Variants in ARMH3 observed in about 807,000 individuals in gnomAD.
ARMH3 encodes armadillo like helical domain containing 3.
Under a neutral mutation model 99.1 loss-of-function variants are expected in ARMH3, and 60 were observed. That is an observed-to-expected ratio of 0.61 (90% confidence interval 0.49 to 0.75). The LOEUF is 0.75. Among genes scored for constraint, ARMH3 ranks in the 30% least tolerant of loss-of-function variants. The pLI is 0.00. For synonymous variants in ARMH3, 285 were observed against 292.8 expected (o/e 0.97, Z 0.27); for missense variants, 679 against 843.1 (o/e 0.81, Z 2.41).
At chr10:102,027,912 T>C (rs1221022549) in intron 5 of ARMH3, among the ~76,000 whole-genome samples, 2 of 151,804 alleles carry the variant, frequency 1.3e-5, no homozygotes, top group Non-Finnish European at 2.9e-5. Context: ...TCAAATAACA[T>C]TCATTCAATA....
intron 24 of ARMH3, among the ~76,000 whole-genome samples, chr10:101,855,994 C>A (rs1228502112): frequency 6.6e-6 from 1 of 152,020 alleles, no homozygotes; most frequent in Non-Finnish European, 1.5e-5. Flanking sequence ...CCAGTGCAGG[C>A]TGGTCTAACC....
rs921545002 is a variant in ARMH3 at position 101,890,227 on chromosome 10, C to CAT, written c.1782-739_1782-738dup. On this transcript the variant is annotated intron_variant, in intron 23 of 25. Coordinates refer to ENST00000370033, the MANE Select transcript of ARMH3 (RefSeq NM_024541.3). ...TAGAGAGAGACAAATCTCTTTTTTT[C>CAT]ATATATATATATATATTTATTTATA... 2.9e-3 allele frequency among the ~76,000 whole-genome samples: 431 copies of CAT among 148,022 alleles called. 1 individual carries two copies. Among genetic ancestry groups the CAT allele is most frequent in the South Asian group, 4.7e-3 (22 of 4,718 alleles).
chr10:102,042,742 T>C (rs962938914), intron 1 of ARMH3, among the ~76,000 whole-genome samples: 1 of 152,226 alleles, frequency 6.6e-6, no homozygotes, highest in Admixed American at 6.5e-5. Context: ...ACTTTTTCCT[T>C]GGGTCTCAGA....
At chr10:101,966,683 T>G (rs533860066) in intron 20 of ARMH3, among the ~76,000 whole-genome samples, 4 of 152,216 alleles carry the variant, frequency 2.6e-5, no homozygotes, top group Admixed American at 2.6e-4. Flanking sequence ...TAATACACAA[T>G]GAGAACTTTC....
chr10:101,855,877 G>A (rs1046195850), intron 24 of ARMH3, among the ~76,000 whole-genome samples: 2 of 151,678 alleles, frequency 1.3e-5, no homozygotes, highest in South Asian at 4.1e-4. Flanking sequence ...TAAATGCCCA[G>A]AAAGATTGTA....
intron 23 of ARMH3, among the ~76,000 whole-genome samples, chr10:101,892,512 T>C (rs2067718848): frequency 6.6e-6 from 1 of 152,154 alleles, no homozygotes; most frequent in South Asian, 2.1e-4. Flanking sequence ...TGTGTGTGTA[T>C]GTATGAGCTA....
chr10:101,948,016 A>G (rs1844626241), intron 22 of ARMH3, among the ~76,000 whole-genome samples: 2 of 152,100 alleles, frequency 1.3e-5, no homozygotes, highest in South Asian at 4.1e-4. Context: ...ATCCAAAAGA[A>G]AGCAGAAAAG....
In ARMH3 at chr10:101,972,646, C is replaced by T. The variant is rs999081981; in HGVS notation, c.1495+2566G>A. 4.6e-5 allele frequency among the ~76,000 whole-genome samples: 7 copies of T among 152,174 alleles called. No homozygotes were observed. In the East Asian group the frequency reaches 1.2e-3, roughly 25 times the overall value. ...ATACATGTGACTGCATAGGATGCAA[C>T]GTTGTGTTTTGCAGCTTTCCTTAAC... On this transcript the variant is annotated intron_variant, in intron 20 of 25. Coordinates refer to ENST00000370033, the MANE Select transcript of ARMH3 (RefSeq NM_024541.3).
chr10:102,003,807 C>T (rs1175674551), intron 14 of ARMH3, among the ~76,000 whole-genome samples: 1 of 152,176 alleles, frequency 6.6e-6, no homozygotes, highest in Non-Finnish European at 1.5e-5. Context: ...GAAAAGAAAT[C>T]AGCATGCCCA....
intron 14 of ARMH3, among the ~76,000 whole-genome samples, chr10:102,006,251 G>A (rs2066484895): frequency 1.3e-5 from 2 of 152,210 alleles, no homozygotes; most frequent in African/African-American, 4.8e-5. Flanking sequence ...CTGAGAGTGT[G>A]GCAGGACAGG....
intron 22 of ARMH3, among the ~76,000 whole-genome samples, chr10:101,940,625 C>T (rs559538919): frequency 7.9e-5 from 12 of 152,192 alleles, no homozygotes; most frequent in Admixed American, 3.9e-4. Context: ...CAACAGGTCC[C>T]GGTGTGTGAT....
intron 24 of ARMH3, among the ~76,000 whole-genome samples, chr10:101,854,814 A>C (rs1225585018): frequency 6.6e-6 from 1 of 152,028 alleles, no homozygotes; most frequent in Admixed American, 6.5e-5. Context: ...AATGAAGACA[A>C]CACCATCTAC....
intron 2 of ARMH3, among the ~76,000 whole-genome samples, chr10:102,034,833 A>T (rs1273362368): frequency 1.3e-5 from 2 of 151,144 alleles, no homozygotes; most frequent in Admixed American, 1.3e-4. Flanking sequence ...GCTTGAACCC[A>T]GGAGGCAGAG....
At chr10:102,003,497 T>G (rs1051384776) in intron 14 of ARMH3, among the ~76,000 whole-genome samples, 19 of 152,158 alleles carry the variant, frequency 1.2e-4, no homozygotes, top group African/African-American at 4.6e-4. Flanking sequence ...CCCAAAATTC[T>G]AAGACTTTAA....
chr10:101,872,096 A>G (rs1385846158), intron 24 of ARMH3, among the ~76,000 whole-genome samples: 1 of 152,152 alleles, frequency 6.6e-6, no homozygotes, highest in Non-Finnish European at 1.5e-5. Context: ...TTTAAAAAGT[A>G]AATTAATCTT....
chr10:101,981,191 A>T (rs1307947470), intron 19 of ARMH3, among the ~76,000 whole-genome samples: 1 of 152,190 alleles, frequency 6.6e-6, no homozygotes, highest in Admixed American at 6.5e-5. Flanking sequence ...AAATAATGAA[A>T]AAAAAAGAAA....
intron 2 of ARMH3, among the ~76,000 whole-genome samples, chr10:102,033,740 T>A (rs2067188572): frequency 6.6e-6 from 1 of 152,202 alleles, no homozygotes; most frequent in South Asian, 2.1e-4. Flanking sequence ...AAATTAACTT[T>A]GAAAATTCTT....
intron 4 of ARMH3, among the ~76,000 whole-genome samples, chr10:102,030,573 G>A (rs2067105002): frequency 6.6e-6 from 1 of 152,038 alleles, no homozygotes; most frequent in Non-Finnish European, 1.5e-5. Context: ...AGCCAAGTGT[G>A]GAGGCAGATG....
At chr10:101,879,065 G>A (rs2067343429) in intron 24 of ARMH3, among the ~76,000 whole-genome samples, 1 of 152,122 alleles carries the variant, frequency 6.6e-6, no homozygotes, top group African/African-American at 2.4e-5. Flanking sequence ...GCCCTTCCCA[G>A]TCTAAGACCT....
Sources: gnomAD v4.1 joint callset for allele counts (sites outside exome capture counted in the v4.1 genomes callset) on GRCh38, gnomAD v4.1.1 for gene constraint, MANE v1.5 for transcripts, NCBI Gene and HGNC (gene_info 2026-07-23, HGNC 2026-07-21) for gene names.